Variants in MANEAL observed in about 807,000 individuals in gnomAD.
MANEAL encodes glycoprotein endo-alpha-1,2-mannosidase-like protein.
MANEAL carries 28 observed loss-of-function variants against 35.9 expected under a neutral mutation model. The observed-to-expected ratio is 0.78, with a 90% confidence interval of 0.58 to 1.07. The LOEUF (loss-of-function observed/expected upper bound fraction) is 1.07, where lower values mean the gene tolerates loss of function less well. Among genes scored for constraint, MANEAL ranks in the 50% least tolerant of loss-of-function variants. The pLI is 0.00. For missense variants in MANEAL, 576 were observed against 629.6 expected (o/e 0.91, Z 0.91); for synonymous variants, 286 against 272.2 (o/e 1.05, Z -0.50).
intron 3 of MANEAL, among the ~76,000 whole-genome samples, chr1:37,797,530 G>A (rs1022390357): frequency 6.8e-6 from 1 of 147,228 alleles, no homozygotes; most frequent in African/African-American, 2.5e-5. Context: ...GTGTGCAGTG[G>A]CACAATCTTG....
chr1:37,795,551 C>T, intron 1 of MANEAL, 186 bp from the exon 2 acceptor site: 1 of 1,412,220 alleles, frequency 7.1e-7, no homozygotes, highest in Non-Finnish European at 9.2e-7. Context: ...TCCGCTTCAG[C>T]ACCGCGGGCG....
Position 37,799,872 on chromosome 1 carries a change from A to G in MANEAL, c.1043A>G (p.Asp348Gly). Residue 348 changes from aspartate to glycine, a missense_variant, in exon 4 of 4, where the codon GAT (aspartate) becomes GGT (glycine). Coordinates refer to ENST00000373045, the MANE Select transcript of MANEAL (RefSeq NM_001113482.2). The surrounding 1 kb of genome is among the most constrained non-coding windows in gnomAD (Gnocchi z 4.1). ...QNWKAVKNFC[D>G]ANNLMFIPSV... Reference sequence around the variant, plus strand: ...TGGAAAGCTGTGAAGAACTTTTGTGATGCCAACAACCTCATGTTCATCCCC... The same window carrying G: ...TGGAAAGCTGTGAAGAACTTTTGTGGTGCCAACAACCTCATGTTCATCCCC... The G allele has an allele frequency of 1.2e-6, 2 of 1,614,200 alleles. No individual in the cohort carries two copies. The highest frequency in any genetic ancestry group is 1.7e-5 in the Admixed American group (1 of 60,026).
intron 2 of MANEAL, 146 bp downstream of exon 2, chr1:37,795,992 G>T: frequency 4.6e-6 from 3 of 656,408 alleles, no homozygotes; most frequent in Non-Finnish European, 7.8e-6. Context: ...TTTGGGGGAG[G>T]GTTCAGATAA....
chr1:37,799,937 T>C lies in MANEAL; in HGVS notation c.1108T>C (p.Trp370Arg), dbSNP rs1330628676. 1.9e-6 allele frequency: 3 copies of C among 1,614,230 alleles called. No homozygotes were observed. Among genetic ancestry groups the C allele is most frequent in the Admixed American group, 1.7e-5 (1 of 60,028 alleles). ...PGYIDTSIRP[W>R]NNHNTRNRVN... ...CTACATAGACACCAGCATTCGGCCC[T>C]GGAACAACCACAATACGCGCAACAG... The change falls in exon 4 of 4, where the codon TGG becomes CGG. Residue 370 changes from tryptophan (W) to arginine (R), a missense_variant. By Grantham distance (101) the Trp-to-Arg change is moderately radical. Transcript: ENST00000373045. The surrounding 1 kb of genome is among the most constrained non-coding windows in gnomAD (Gnocchi z 4.1).
chr1:37,799,464 G>C lies in MANEAL; in HGVS notation c.738-103G>C. The C allele has an allele frequency of 7.7e-7, 1 of 1,302,364 alleles. No homozygotes were observed. Among genetic ancestry groups the C allele is most frequent in the Non-Finnish European group, 1.1e-6 (1 of 950,034 alleles). 80.7% of individuals were successfully genotyped at this position (1,302,364 alleles called of 1,614,324 possible). ...TGACTCCAACTGTGGAGACTGACTG[G>C]CTCCAGAACTGGGCTGTGTTGCATC... On this transcript the variant is annotated intron_variant, in intron 3 of 3. Coordinates refer to ENST00000373045, the MANE Select transcript of MANEAL (RefSeq NM_001113482.2). This position sits in a 1 kb window ranked among gnomAD's most constrained non-coding sequence, Gnocchi z 4.1.
chr1:37,795,592 C>G lies in MANEAL; in HGVS notation c.551-145C>G, dbSNP rs555158939. The G allele has an allele frequency of 2.0e-6, 3 of 1,479,138 alleles. No homozygotes were observed. In the Admixed American group the frequency reaches 6.8e-5, roughly 34 times the overall value. 91.6% of individuals were successfully genotyped at this position (1,479,138 alleles called of 1,614,324 possible). A position where few individuals can be genotyped will look rare whatever the true frequency, so the allele number is the denominator to read the frequency against. On this transcript the variant is annotated intron_variant, in intron 1 of 3. Coordinates refer to ENST00000373045, the MANE Select transcript of MANEAL (RefSeq NM_001113482.2). ...AGCTCCGGGGCGCGAGGCTCTGGGACTCATCTGCAGGAAGTGAACCTGGCA... is the reference window on the plus strand; with the variant it reads ...AGCTCCGGGGCGCGAGGCTCTGGGAGTCATCTGCAGGAAGTGAACCTGGCA...
At position 37,799,932 on chromosome 1, in the gene MANEAL, G is replaced by C; in HGVS notation, c.1103G>C (p.Arg368Pro). The C allele has an allele frequency of 6.2e-7, 1 of 1,614,158 alleles. No homozygotes were observed. The highest frequency in any genetic ancestry group is 8.5e-7 in the Non-Finnish European group (1 of 1,180,026). Residue 368 changes from arginine to proline, a missense_variant, in exon 4 of 4, where the codon CGG (arginine) becomes CCG (proline). Coordinates refer to ENST00000373045, the MANE Select transcript of MANEAL (RefSeq NM_001113482.2). This position sits in a 1 kb window ranked among gnomAD's most constrained non-coding sequence, Gnocchi z 4.1. ...VGPGYIDTSIRPWNNHNTRNR... is the reference protein window; with the variant it reads ...VGPGYIDTSIPPWNNHNTRNR... ...CCTGGCTACATAGACACCAGCATTC[G>C]GCCCTGGAACAACCACAATACGCGC...
At position 37,797,545 on chromosome 1, in the gene MANEAL, ACTGCAACCT is replaced by A. The variant is rs372224778; in HGVS notation, c.737+730_737+738del. On this transcript the variant is annotated intron_variant, in intron 3 of 3. Coordinates refer to ENST00000373045, the MANE Select transcript of MANEAL (RefSeq NM_001113482.2). ...GTGTGCAGTGGCACAATCTTGGCTC[ACTGCAACCT>A]CTGCCTCCTGGGTTCAAGCGATTCT... 2.4e-4 allele frequency among the ~76,000 whole-genome samples: 34 copies of A among 142,754 alleles called. No individual in the cohort carries two copies. In the South Asian group the frequency reaches 7.6e-3, roughly 32 times the overall value. The allele number at this position is 142,754 out of a possible 152,430, so 93.7% of individuals were successfully genotyped here.
Position 37,794,413 on chromosome 1 carries a change from C to T in MANEAL, c.231C>T (p.Thr77=). Residue 77 remains threonine, a synonymous_variant, in exon 1 of 4, where the codon ACC becomes ACT. Transcript: ENST00000373045. This position sits in a 1 kb window ranked among gnomAD's most constrained non-coding sequence, Gnocchi z 5.7. The stretch of plus-strand genomic sequence containing the variant: ...CCCCGCCGCCGCCGCCGCCCCGCAC[C>T]GCGGACCCTGGCGGCTCCCCTGGGC... ...APPPPPPPPR[T]ADPGGSPGPA... 6.0e-6 allele frequency: 8 copies of T among 1,324,486 alleles called. No individual in the cohort carries two copies. Among genetic ancestry groups the T allele is most frequent in the Non-Finnish European group, 7.8e-6 (8 of 1,025,388 alleles). 82.0% of individuals were successfully genotyped at this position (1,324,486 alleles called of 1,614,324 possible). A position where few individuals can be genotyped will look rare whatever the true frequency, so the allele number is the denominator to read the frequency against.
intron 2 of MANEAL, among the ~76,000 whole-genome samples, chr1:37,796,363 A>G (rs1246100021): frequency 6.6e-6 from 1 of 152,218 alleles, no homozygotes; most frequent in Non-Finnish European, 1.5e-5. Flanking sequence ...CCACTCCCCT[A>G]TTCCTGAAGA....
At position 37,796,786 on chromosome 1, in the gene MANEAL, A is replaced by G. The variant is rs774827466; in HGVS notation, c.703A>G (p.Thr235Ala). Residue 235 changes from threonine (T) to alanine (A), a missense_variant, in exon 3 of 4, where the codon ACT (threonine) becomes GCT (alanine). Around this residue, in one of 3 missense-constraint regions of MANEAL, gnomAD observed 449 missense variants for 516.1 expected, o/e 0.87. Transcript: ENST00000373045. ...ACCCTACAAGGGCCGGGATGACATC[A>G]CTGTACATGACAACATCAAGTACAT... ...IQPYKGRDDI[T>A]VHDNIKYIID... 4 of 1,609,192 alleles carry G rather than the reference A, an allele frequency of 2.5e-6. No individual in the cohort carries two copies. The highest frequency in any genetic ancestry group is 2.2e-5 in the East Asian group (1 of 44,760).
rs779161957 is a variant in MANEAL, at chr1:37,794,136, G to T, written c.-47G>T. ...GCGGCCGGGCGGGCGGCCATGGCGC[G>T]GCACGCTGGGAGGTAGCGCGGCGGC... is the stretch of plus-strand genomic sequence containing the variant. On this transcript the variant is annotated 5_prime_UTR_variant, in exon 1 of 4. Coordinates refer to ENST00000373045, the MANE Select transcript of MANEAL (RefSeq NM_001113482.2). This position sits in a 1 kb window ranked among gnomAD's most constrained non-coding sequence, Gnocchi z 5.7. 4.5e-5 allele frequency: 50 copies of T among 1,109,030 alleles called. No individual in the cohort carries two copies. In the South Asian group the frequency reaches 1.3e-3, roughly 28 times the overall value. The allele number at this position is 1,109,030 out of a possible 1,614,324, so 68.7% of individuals were successfully genotyped here.
At chr1:37,795,559 G>T in intron 1 of MANEAL, 178 bp from the exon 2 acceptor site, 2 of 1,425,396 alleles carry the variant, frequency 1.4e-6, no homozygotes, top group Non-Finnish European at 1.8e-6. Flanking sequence ...AGCACCGCGG[G>T]CGTGGACAGC....
chr1:37,795,940 G>T, intron 2 of MANEAL, 94 bp downstream of exon 2: 1 of 1,103,274 alleles, frequency 9.1e-7, no homozygotes, highest in South Asian at 1.3e-5. Flanking sequence ...AGAAGTTCTT[G>T]GCAGTAGCCC....
intron 2 of MANEAL, 36 bp downstream of exon 2, chr1:37,795,882 C>T: frequency 1.3e-6 from 2 of 1,582,204 alleles, no homozygotes; most frequent in Non-Finnish European, 1.7e-6. Flanking sequence ...GCTCTCTGCC[C>T]TATTCTGGAG....
rs761176472 is a variant in MANEAL, at chr1:37,799,596, A to G, written c.767A>G (p.Tyr256Cys). Residue 256 changes from tyrosine to cysteine, a missense_variant, in exon 4 of 4, where the codon TAT becomes TGT. Coordinates refer to ENST00000373045, the MANE Select transcript of MANEAL (RefSeq NM_001113482.2). This position sits in a 1 kb window ranked among gnomAD's most constrained non-coding sequence, Gnocchi z 4.1. ...GGCTCCCATGGTGCATTTTACCGCTATAAGAACAGCATGGGCAAGAGCCTC... is the reference window on the plus strand; with the variant it reads ...GGCTCCCATGGTGCATTTTACCGCTGTAAGAACAGCATGGGCAAGAGCCTC... Reference protein sequence around the residue: ...TYGSHGAFYRYKNSMGKSLPL... With the variant: ...TYGSHGAFYRCKNSMGKSLPL... The G allele has an allele frequency of 1.2e-5, 19 of 1,613,992 alleles. No homozygotes were observed. The East Asian group carries it at 1.3e-4, about 11-fold the overall frequency.
At chr1:37,795,409 T>G in intron 1 of MANEAL, 1 of 865,750 alleles carries the variant, frequency 1.2e-6, no homozygotes, top group Non-Finnish European at 1.5e-6. Context: ...GTGCTTCTCT[T>G]CTTCAGAGGT....
At position 37,794,654 on chromosome 1, in the gene MANEAL, C is replaced by T. The variant is rs1646628617; in HGVS notation, c.472C>T (p.Pro158Ser). Residue 158 changes from proline (P) to serine (S), a missense_variant, in exon 1 of 4, where the codon CCG (proline) becomes TCG (serine). By Grantham distance (74) the Pro-to-Ser change is moderately conservative (BLOSUM62 -1). Transcript: ENST00000373045. This position sits in a 1 kb window ranked among gnomAD's most constrained non-coding sequence, Gnocchi z 5.7. ...PPDDLGSSFY[P>S]ELGPYSSRDP... ...AGACGACTTGGGCTCCAGCTTCTACCCGGAGCTGGGGCCCTACAGCTCCCG... is the reference window on the plus strand; with the variant it reads ...AGACGACTTGGGCTCCAGCTTCTACTCGGAGCTGGGGCCCTACAGCTCCCG... 6 of 1,610,670 alleles carry T rather than the reference C, an allele frequency of 3.7e-6. No individual in the cohort carries two copies. Among genetic ancestry groups the T allele is most frequent in the Non-Finnish European group, 5.1e-6 (6 of 1,179,218 alleles).
chr1:37,799,509 G>C lies in MANEAL; in HGVS notation c.738-58G>C. On this transcript the variant is annotated intron_variant, in intron 3 of 3. Coordinates refer to ENST00000373045, the MANE Select transcript of MANEAL (RefSeq NM_001113482.2). The surrounding 1 kb of genome is among the most constrained non-coding windows in gnomAD (Gnocchi z 4.1). ...TGCATCCGTATCTCATCCACGGGAGGTCCTACAGCTGTGCTGGTCTCTCCC... is the reference window on the plus strand; with the variant it reads ...TGCATCCGTATCTCATCCACGGGAGCTCCTACAGCTGTGCTGGTCTCTCCC... 6.4e-7 allele frequency: 1 copy of C among 1,553,664 alleles called. No individual in the cohort carries two copies.
Sources: gnomAD v4.1 joint callset for allele counts (sites outside exome capture counted in the v4.1 genomes callset) on GRCh38, gnomAD v4.1.1 for gene constraint, gnomAD v4.1.1 regional missense constraint, Gnocchi (gnomAD v3.1) non-coding constraint, MANE v1.5 for transcripts, NCBI Gene and HGNC (gene_info 2026-07-23, HGNC 2026-07-21) for gene names.